CD6: variants seen among roughly 807,000 people sequenced by gnomAD.
CD6 encodes CD6 molecule.
Under a neutral mutation model 75.3 loss-of-function variants are expected in CD6, and 53 were observed. The ratio of observed to expected loss-of-function variants is 0.70; its 90% confidence interval spans 0.56 to 0.88. The LOEUF (loss-of-function observed/expected upper bound fraction) is 0.88, where lower values mean the gene tolerates loss of function less well. CD6 is among the 40% of genes least tolerant of loss of function. The pLI, the probability that CD6 is intolerant of heterozygous loss-of-function variation, is 0.00. For missense variants in CD6, 770 were observed against 897.1 expected (o/e 0.86, Z 1.81); for synonymous variants, 359 against 381.5 (o/e 0.94, Z 0.69).
At chr11:60,993,496 C>T (rs919656132) in intron 1 of CD6, among the ~76,000 whole-genome samples, 12 of 151,750 alleles carry the variant, frequency 7.9e-5, no homozygotes, top group South Asian at 2.1e-4. Flanking sequence ...TACCATATAC[C>T]GCGTCCTAAG....
chr11:61,013,578 C>T lies in CD6; in HGVS notation c.1291+15C>T, dbSNP rs2134483517. 1.2e-6 allele frequency: 2 copies of T among 1,613,416 alleles called. No homozygotes were observed. The highest frequency in any genetic ancestry group is 1.7e-6 in the Non-Finnish European group (2 of 1,179,692). On this transcript the variant is annotated intron_variant, in intron 7 of 12. Coordinates refer to ENST00000313421, the MANE Select transcript of CD6 (RefSeq NM_006725.5). ...AGGAAAATATGGTAAGTGCAAGGTT[C>T]TGGGAGCCATGGCCATCCCAGGGGG... is the stretch of plus-strand genomic sequence containing the variant.
At chr11:60,991,219 C>T (rs1311993109) in intron 1 of CD6, among the ~76,000 whole-genome samples, 1 of 131,306 alleles carries the variant, frequency 7.6e-6, no homozygotes, top group Non-Finnish European at 1.5e-5. Flanking sequence ...GGCTAAATCT[C>T]GGCTCACCGC....
At chr11:60,976,829 C>T (rs143097408) in intron 1 of CD6, among the ~76,000 whole-genome samples, 1 of 152,178 alleles carries the variant, frequency 6.6e-6, no homozygotes, top group South Asian at 2.1e-4. Context: ...CTACATCTGC[C>T]GTGCATCTGG....
intron 6 of CD6, among the ~76,000 whole-genome samples, chr11:61,012,769 A>G (rs1156759169): frequency 1.3e-5 from 2 of 151,674 alleles, no homozygotes; most frequent in Middle Eastern, 3.4e-3. Flanking sequence ...GAGGTGGGAG[A>G]CCCTGAATCC....
At chr11:60,991,203 T>C (rs990457281) in intron 1 of CD6, among the ~76,000 whole-genome samples, 1 of 138,592 alleles carries the variant, frequency 7.2e-6, no homozygotes, top group African/African-American at 2.7e-5. Context: ...CAGGCTGGAG[T>C]GCAATGGCTA....
intron 1 of CD6, among the ~76,000 whole-genome samples, chr11:60,987,285 C>T (rs1190659703): frequency 6.6e-6 from 1 of 152,088 alleles, no homozygotes; most frequent in South Asian, 2.1e-4. Context: ...AAACATTGCC[C>T]CAATCTCCGC....
rs1858941950 is a variant in CD6, at chr11:61,007,814, C to T, written c.373C>T (p.Pro125Ser). ...AGCTAATGCCACTCTGGCCGGGGCG[C>T]CCGCCCTCCTGTGCAGCGGCGCCGA... The part of the protein sequence containing the change: ...VAANATLAGA[P>S]ALLCSGAEWR... Residue 125 changes from proline to serine, a missense_variant, in exon 3 of 13, where the codon CCC becomes TCC. By Grantham distance (74) the Pro-to-Ser change is moderately conservative. Coordinates refer to ENST00000313421, the MANE Select transcript of CD6 (RefSeq NM_006725.5). This position sits in a 1 kb window ranked among gnomAD's most constrained non-coding sequence, Gnocchi z 4.2. 1.4e-6 allele frequency: 2 copies of T among 1,471,044 alleles called. No homozygotes were observed. The highest frequency in any genetic ancestry group is 2.9e-5 in the African/African-American group (2 of 68,442). 91.1% of individuals were successfully genotyped at this position (1,471,044 alleles called of 1,614,324 possible). A position where few individuals can be genotyped will look rare whatever the true frequency, so the allele number is the denominator to read the frequency against.
intron 1 of CD6, among the ~76,000 whole-genome samples, chr11:60,981,108 T>C (rs1184380304): frequency 6.6e-6 from 1 of 152,128 alleles, no homozygotes; most frequent in African/African-American, 2.4e-5. Flanking sequence ...CGCCACAAAA[T>C]GTACATTTAC....
chr11:61,008,504 C>A, intron 3 of CD6, 30 bp from the exon 4 acceptor site: 1 of 1,535,216 alleles, frequency 6.5e-7, no homozygotes. Flanking sequence ...GTCGGGTGCC[C>A]CAGCATCCAC....
Position 61,019,375 on chromosome 11 carries a change from C to A in CD6, c.*57C>A. The A allele has an allele frequency of 7.2e-7, 1 of 1,385,376 alleles. No homozygotes were observed. The highest frequency in any genetic ancestry group is 1.0e-6 in the Non-Finnish European group (1 of 995,234). 85.8% of individuals were successfully genotyped at this position (1,385,376 alleles called of 1,614,324 possible). A position where few individuals can be genotyped will look rare whatever the true frequency, so the allele number is the denominator to read the frequency against. On this transcript the variant is annotated 3_prime_UTR_variant, in exon 13 of 13. Transcript: ENST00000313421. The stretch of plus-strand genomic sequence containing the variant: ...CTGACCCTCTGGCCTCCTGCTCTAC[C>A]TACTCCCTTTCCCCTTTCCCACCCT...
At chr11:60,985,824 T>C (rs1857791542) in intron 1 of CD6, among the ~76,000 whole-genome samples, 1 of 152,232 alleles carries the variant, frequency 6.6e-6, no homozygotes, top group Non-Finnish European at 1.5e-5. Context: ...AAGTGTTAGG[T>C]GTTAAAGACT....
intron 1 of CD6, among the ~76,000 whole-genome samples, chr11:60,976,843 T>C (rs1857382579): frequency 6.6e-6 from 1 of 152,226 alleles, no homozygotes; most frequent in African/African-American, 2.4e-5. Flanking sequence ...CATCTGGCCT[T>C]ATTGTTTGAT....
chr11:61,013,716 G>A (rs935418855), intron 7 of CD6, among the ~76,000 whole-genome samples, 153 bp downstream of exon 7: 2 of 152,264 alleles, frequency 1.3e-5, no homozygotes, highest in South Asian at 2.1e-4. Flanking sequence ...ATGCCCAGCA[G>A]TCATGGACGC....
chr11:60,972,013 A>T, intron 1 of CD6, 99 bp downstream of exon 1: 1 of 1,259,452 alleles, frequency 7.9e-7, no homozygotes, highest in Non-Finnish European at 1.1e-6. Context: ...TCACTTTTCT[A>T]GGATCTTTTA....
Position 61,017,835 on chromosome 11 carries a change from C to G in CD6, c.1659C>G (p.Gly553=). The G allele has an allele frequency of 6.2e-7, 1 of 1,614,066 alleles. No individual in the cohort carries two copies. Among genetic ancestry groups the G allele is most frequent in the Non-Finnish European group, 8.5e-7 (1 of 1,179,968 alleles). Residue 553 remains glycine (G), a synonymous_variant, in exon 11 of 13, where the codon GGC becomes GGG. Transcript: ENST00000313421. ...GCATTACAGACCCGCCATCCCTGGG[C>G]CCTCAGTATCACCCGAGGAGCAACA... ...GHCITDPPSL[G]PQYHPRSNSE...
chr11:61,000,194 G>T (rs996792236), intron 1 of CD6, among the ~76,000 whole-genome samples: 5 of 152,196 alleles, frequency 3.3e-5, no homozygotes, highest in African/African-American at 1.2e-4. Flanking sequence ...CAGGCAGTAT[G>T]GTACTTGAGA....
chr11:60,983,254 G>A (rs908038996), intron 1 of CD6, among the ~76,000 whole-genome samples: 2 of 151,754 alleles, frequency 1.3e-5, no homozygotes, highest in Non-Finnish European at 2.9e-5. Context: ...GCACCACCAC[G>A]CTAGTTTTTG....
chr11:60,990,416 G>T (rs1329383564), intron 1 of CD6, among the ~76,000 whole-genome samples: 1 of 152,062 alleles, frequency 6.6e-6, no homozygotes, highest in Non-Finnish European at 1.5e-5. Flanking sequence ...TAGAGATGGG[G>T]TTTCACCATG....
intron 12 of CD6, 181 bp from the exon 13 acceptor site, chr11:61,019,073 G>A (rs1415691980): frequency 1.1e-5 from 6 of 558,874 alleles, no homozygotes; most frequent in Non-Finnish European, 1.9e-5. Flanking sequence ...CCAGACAGAC[G>A]AGGCTATTCC....
Sources: allele counts gnomAD v4.1 joint callset (sites outside exome capture counted in the v4.1 genomes callset), GRCh38; gene constraint gnomAD v4.1.1; non-coding constraint Gnocchi (gnomAD v3.1); transcripts MANE v1.5; gene names NCBI Gene and HGNC (gene_info 2026-07-23, HGNC 2026-07-21).